MAP3K13: variants seen among roughly 807,000 people sequenced by gnomAD.
MAP3K13 encodes the protein mitogen-activated protein kinase kinase kinase 13, also known as leucine zipper-bearing kinase.
Under a neutral mutation model 104.0 loss-of-function variants are expected in MAP3K13, and 52 were observed. That is an observed-to-expected ratio of 0.50 (90% CI 0.40 to 0.63). MAP3K13 has a LOEUF of 0.63. Ranked by LOEUF, MAP3K13 falls within the 20% of genes least tolerant of loss-of-function variation. The probability of loss-of-function intolerance (pLI) is 0.00; values close to 1 mark genes in which losing one functional copy is unlikely to be tolerated. For missense variants in MAP3K13, 914 were observed against 1,218.5 expected, an observed-to-expected ratio of 0.75 and a Z score of 3.72; for synonymous variants, 394 against 442.2, an observed-to-expected ratio of 0.89 and a Z score of 1.37.
Position 185,473,884 on chromosome 3 carries a change from G to C in MAP3K13, c.2430+123G>C. ...CATTTTGTAAAAGGACAAGATAACA[G>C]AAACATAAATAGAAATTTATTTTAC... On this transcript the variant is annotated intron_variant, in intron 11 of 13. Transcript: ENST00000265026. This position sits in a 1 kb window ranked among gnomAD's most constrained non-coding sequence, Gnocchi z 4.9. The C allele has an allele frequency of 9.2e-7, 1 of 1,085,838 alleles. No homozygotes were observed. The highest frequency in any genetic ancestry group is 1.7e-5 in the South Asian group (1 of 60,228). The allele number at this position is 1,085,838 out of a possible 1,614,324, so 67.3% of individuals were successfully genotyped here.
intron 2 of MAP3K13, among the ~76,000 whole-genome samples, chr3:185,346,987 G>GATTTT (rs1722948943): frequency 7.8e-6 from 1 of 127,690 alleles, no homozygotes. Context: ...CACAAAGGAA[G>GATTTT]TTTTTTTTTT....
chr3:185,293,069 T>G, intron 2 of MAP3K13: 1 of 983,296 alleles, frequency 1.0e-6, no homozygotes, highest in Non-Finnish European at 1.2e-6. Flanking sequence ...GTACTTTTTT[T>G]TTTCCTGTGA....
intron 2 of MAP3K13, among the ~76,000 whole-genome samples, chr3:185,299,553 C>CTTTTTTT (rs1195743775): frequency 2.8e-4 from 2 of 7,082 alleles, no homozygotes; most frequent in Non-Finnish European, 4.6e-4. Flanking sequence ...CTCTCTCTCT[C>CTTTTTTT]TTTTTTTTTT....
intron 3 of MAP3K13, among the ~76,000 whole-genome samples, chr3:185,442,658 C>T (rs1049316799): frequency 1.3e-5 from 2 of 151,338 alleles, no homozygotes; most frequent in African/African-American, 2.4e-5. Context: ...CTCAGCCTCC[C>T]GAGTAGCTGG....
chr3:185,461,656 G>A (rs535373919), intron 7 of MAP3K13, among the ~76,000 whole-genome samples: 9 of 151,970 alleles, frequency 5.9e-5, no homozygotes, highest in Admixed American at 3.9e-4. Context: ...TCTGCCTCCC[G>A]GGTTCAAGCG....
chr3:185,284,485 G>A (rs1269785429), intron 1 of MAP3K13, among the ~76,000 whole-genome samples: 2 of 152,144 alleles, frequency 1.3e-5, no homozygotes, highest in East Asian at 3.9e-4. Context: ...CGAGGCCAAG[G>A]TGGGCGGATC....
intron 12 of MAP3K13, 48 bp downstream of exon 12, chr3:185,477,444 A>G: frequency 1.4e-6 from 2 of 1,470,428 alleles, no homozygotes; most frequent in African/African-American, 1.4e-5. Flanking sequence ...ATGGGGAAAA[A>G]AAATCCTAAG....
intron 2 of MAP3K13, among the ~76,000 whole-genome samples, chr3:185,343,485 G>A (rs571373585): frequency 2.0e-5 from 3 of 152,196 alleles, no homozygotes; most frequent in East Asian, 3.9e-4. Context: ...ACGGCATCTC[G>A]CTCTGTCGCC....
At chr3:185,457,558 T>C (rs1716838201) in intron 7 of MAP3K13, among the ~76,000 whole-genome samples, 1 of 152,052 alleles carries the variant, frequency 6.6e-6, no homozygotes, top group Non-Finnish European at 1.5e-5. Flanking sequence ...TCATGAGGGC[T>C]CTGCCCTCAT....
At chr3:185,396,226 C>T (rs528706299) in intron 1 of MAP3K13, among the ~76,000 whole-genome samples, 13 of 152,054 alleles carry the variant, frequency 8.5e-5, no homozygotes, top group African/African-American at 1.7e-4. Flanking sequence ...CAAAAATTAG[C>T]CTGGCGTGGT....
Position 185,299,607 on chromosome 3 carries a change from C to G in MAP3K13, c.-86+13964C>G, listed in dbSNP as rs1394966778. 2.4e-4 allele frequency among the ~76,000 whole-genome samples: 2 copies of G among 8,200 alleles called. 1 individual carries two copies. Among genetic ancestry groups the G allele is most frequent in the Admixed American group, 2.5e-3 (2 of 798 alleles). The allele number at this position is 8,200 out of a possible 152,430, so 5.4% of individuals were successfully genotyped here. A position where few individuals can be genotyped will look rare whatever the true frequency, so the allele number is the denominator to read the frequency against. ...CGGAGTCTCGCTCTGTCGCCCAGGCCGGACTGCGGACTGCAGTGGCGCAAT... is the reference window on the plus strand; with the variant it reads ...CGGAGTCTCGCTCTGTCGCCCAGGCGGGACTGCGGACTGCAGTGGCGCAAT... On this transcript the variant is annotated intron_variant, in intron 2 of 14. Coordinates refer to the MAP3K13 transcript ENST00000424227.
chr3:185,339,755 C>A (rs1004722898), intron 2 of MAP3K13, among the ~76,000 whole-genome samples: 1 of 152,160 alleles, frequency 6.6e-6, no homozygotes, highest in Non-Finnish European at 1.5e-5. Context: ...AATAAGCAGC[C>A]AGCTGGATTT....
chr3:185,424,330 T>G (rs1479361565), intron 1 of MAP3K13, among the ~76,000 whole-genome samples: 1 of 152,168 alleles, frequency 6.6e-6, no homozygotes, highest in Admixed American at 6.5e-5. Flanking sequence ...TGGAAAGCAC[T>G]CTATGAAAGT....
At chr3:185,409,414 A>C (rs1237046540) in intron 1 of MAP3K13, among the ~76,000 whole-genome samples, 1 of 152,208 alleles carries the variant, frequency 6.6e-6, no homozygotes, top group East Asian at 1.9e-4. Flanking sequence ...TTATCAGGGA[A>C]GTACAAATCA....
intron 2 of MAP3K13, among the ~76,000 whole-genome samples, chr3:185,323,236 A>G (rs1721925231): frequency 6.6e-6 from 1 of 152,186 alleles, no homozygotes; most frequent in African/African-American, 2.4e-5. Flanking sequence ...ACTATTAACT[A>G]AAAGCCAGAC....
At position 185,299,802 on chromosome 3, in the gene MAP3K13, A is replaced by G. The variant is rs546417793; in HGVS notation, c.-86+14159A>G. ...AGGATGGTCTCGATCTCCTGACCTC[A>G]TGATCCACCCGCCTCGGCCTCCCAA... On this transcript the variant is annotated intron_variant, in intron 2 of 14. Coordinates refer to the MAP3K13 transcript ENST00000424227. Among the ~76,000 whole-genome samples, 864 of 124,112 alleles carry G rather than the reference A, an allele frequency of 7.0e-3. 323 individuals are homozygous for G. Among genetic ancestry groups the G allele is most frequent in the African/African-American group, 0.023 (798 of 34,294 alleles). The allele number at this position is 124,112 out of a possible 152,430, so 81.4% of individuals were successfully genotyped here.
chr3:185,332,964 C>T (rs552921806), intron 2 of MAP3K13, among the ~76,000 whole-genome samples: 52 of 152,278 alleles, frequency 3.4e-4, no homozygotes, highest in Non-Finnish European at 1.3e-4. Context: ...GAGGAACCAC[C>T]ATACGTTTTC....
At chr3:185,318,409 T>C (rs1335500725) in intron 2 of MAP3K13, among the ~76,000 whole-genome samples, 3 of 152,250 alleles carry the variant, frequency 2.0e-5, no homozygotes, top group Non-Finnish European at 4.4e-5. Context: ...GTATTGTCAT[T>C]CTGTAAATGT....
intron 7 of MAP3K13, among the ~76,000 whole-genome samples, chr3:185,462,312 T>C (rs1717153581): frequency 6.6e-6 from 1 of 152,198 alleles, no homozygotes; most frequent in African/African-American, 2.4e-5. Flanking sequence ...TGTGGAAAGC[T>C]CAATGTCCTT....
Sources: allele counts gnomAD v4.1 joint callset (sites outside exome capture counted in the v4.1 genomes callset), GRCh38; gene constraint gnomAD v4.1.1; non-coding constraint Gnocchi (gnomAD v3.1); transcripts MANE v1.5; gene names NCBI Gene and HGNC (gene_info 2026-07-23, HGNC 2026-07-21).